PRDM16: variants seen among roughly 807,000 people sequenced by gnomAD.
PRDM16 encodes histone-lysine N-methyltransferase PRDM16.
A neutral mutation model predicts 110.6 loss-of-function variants in PRDM16; 23 were observed. The ratio of observed to expected loss-of-function variants is 0.21; its 90% CI spans 0.15 to 0.29. The LOEUF is 0.29. PRDM16 is among the 10% of genes least tolerant of loss of function. The pLI is 1.00. For synonymous variants in PRDM16, 799 were observed against 781.8 expected (o/e 1.02, Z -0.37); for missense variants, 1,615 against 1,794.3 (o/e 0.90, Z 1.81).
intron 2 of PRDM16, among the ~76,000 whole-genome samples, chr1:3,204,445 G>T (rs74048309): frequency 6.6e-6 from 1 of 152,310 alleles, no homozygotes; most frequent in African/African-American, 2.4e-5. Flanking sequence ...TTCTAGAGAG[G>T]GAACCTTACC....
At position 3,201,816 on chromosome 1, in the gene PRDM16, T is replaced by A. The variant is rs56087087; in HGVS notation, c.387+15342T>A. ...CCTCTGTTTCTACCTCGGGTTGGTG[T>A]CTCCCGCCCACTTCTGTGTCCACTG... On this transcript the variant is annotated intron_variant, in intron 2 of 16. Coordinates refer to ENST00000270722, the MANE Select transcript of PRDM16 (RefSeq NM_022114.4). The surrounding 1 kb of genome is among the most constrained non-coding windows in gnomAD (Gnocchi z 4.1). Among the ~76,000 whole-genome samples, 1,960 of 152,264 alleles carry A rather than the reference T, an allele frequency of 0.013. 38 individuals are homozygous for A. Among genetic ancestry groups the A allele is most frequent in the African/African-American group, 0.045 (1,849 of 41,542 alleles).
At chr1:3,410,956 C>T (rs1643674829) in intron 8 of PRDM16, among the ~76,000 whole-genome samples, 1 of 152,202 alleles carries the variant, frequency 6.6e-6, no homozygotes, top group South Asian at 2.1e-4. Context: ...AGCCCATTCT[C>T]CAGCAAAGAA....
At position 3,080,154 on chromosome 1, in the gene PRDM16, G is replaced by A. The variant is rs528853466; in HGVS notation, c.37+10858G>A. ...TGTTTAGATAATCCCGGGCCCTGGT[G>A]CTTGCATTTAGAAAAATTAGGCCCT... On this transcript the variant is annotated intron_variant, in intron 1 of 16. Transcript: ENST00000270722. The surrounding 1 kb of genome is among the most constrained non-coding windows in gnomAD (Gnocchi z 5.2). Among the ~76,000 whole-genome samples the A allele has an allele frequency of 1.3e-5, 2 of 152,338 alleles. No individual in the cohort carries two copies. Among genetic ancestry groups the A allele is most frequent in the Non-Finnish European group, 2.9e-5 (2 of 68,034 alleles).
At chr1:3,301,265 A>G (rs1278716738) in intron 3 of PRDM16, among the ~76,000 whole-genome samples, 2 of 149,950 alleles carry the variant, frequency 1.3e-5, no homozygotes, top group Admixed American at 6.7e-5. Flanking sequence ...CTGGAGGTCA[A>G]GGCTGCAGTG....
intron 2 of PRDM16, among the ~76,000 whole-genome samples, chr1:3,241,441 T>G (rs1404926007): frequency 3.9e-5 from 6 of 152,170 alleles, no homozygotes; most frequent in Non-Finnish European, 8.8e-5. Flanking sequence ...CCAGCAGCTG[T>G]GGCAGCTGCC....
chr1:3,196,986 G>T (rs1638495675), intron 2 of PRDM16, among the ~76,000 whole-genome samples: 1 of 152,198 alleles, frequency 6.6e-6, no homozygotes, highest in Non-Finnish European at 1.5e-5. Context: ...GGTCTGTGCA[G>T]CCGCTGAGGC....
At chr1:3,424,181 T>C (rs1363859746) in intron 12 of PRDM16, among the ~76,000 whole-genome samples, 1 of 152,086 alleles carries the variant, frequency 6.6e-6, no homozygotes, top group Non-Finnish European at 1.5e-5. Flanking sequence ...GCTCATGGGG[T>C]TCCTCCTTAG....
Position 3,246,426 on chromosome 1 carries a change from C to T in PRDM16, c.438+2289C>T, listed in dbSNP as rs1478118442. On this transcript the variant is annotated intron_variant, in intron 3 of 16. Coordinates refer to ENST00000270722, the MANE Select transcript of PRDM16 (RefSeq NM_022114.4). This position sits in a 1 kb window ranked among gnomAD's most constrained non-coding sequence, Gnocchi z 5.2. The stretch of plus-strand genomic sequence containing the variant: ...CAGACCCGATGCACGAGACCCCCCA[C>T]GGCACCGCCGCGACTGCAGGGAGCT... 1.3e-5 allele frequency among the ~76,000 whole-genome samples: 2 copies of T among 152,320 alleles called. No homozygotes were observed. Among genetic ancestry groups the T allele is most frequent in the South Asian group, 2.1e-4 (1 of 4,830 alleles).
intron 2 of PRDM16, among the ~76,000 whole-genome samples, chr1:3,196,514 G>T (rs913980442): frequency 3.3e-5 from 5 of 152,234 alleles, no homozygotes; most frequent in Non-Finnish European, 7.3e-5. Context: ...AGAGAGTGAG[G>T]CTCACCGCCC....
intron 8 of PRDM16, among the ~76,000 whole-genome samples, chr1:3,410,170 C>G (rs1643660706): frequency 6.6e-6 from 1 of 151,796 alleles, no homozygotes; most frequent in African/African-American, 2.4e-5. Flanking sequence ...TGTGTGTGTG[C>G]ATGTGTAGAT....
chr1:3,102,526 C>T (rs755479650), intron 1 of PRDM16, among the ~76,000 whole-genome samples: 26 of 152,214 alleles, frequency 1.7e-4, no homozygotes, highest in Admixed American at 4.6e-4. Flanking sequence ...CCGGCCTAGA[C>T]AGGACGGCTG....
At chr1:3,165,010 C>T (rs901642524) in intron 1 of PRDM16, among the ~76,000 whole-genome samples, 5 of 152,242 alleles carry the variant, frequency 3.3e-5, no homozygotes, top group African/African-American at 7.2e-5. Flanking sequence ...GGTAGGCTGG[C>T]GCCTCTCTGT....
At chr1:3,204,685 C>T (rs1226772224) in intron 2 of PRDM16, among the ~76,000 whole-genome samples, 5 of 152,260 alleles carry the variant, frequency 3.3e-5, no homozygotes, top group African/African-American at 7.2e-5. Flanking sequence ...CCTGACTTTG[C>T]GTGTACGTAG....
chr1:3,414,622 C>G lies in PRDM16; in HGVS notation c.2666C>G (p.Pro889Arg). 2.5e-6 allele frequency: 4 copies of G among 1,613,266 alleles called. No homozygotes were observed. The highest frequency in any genetic ancestry group is 3.4e-6 in the Non-Finnish European group (4 of 1,179,804). ...GCCCTGAAGGAGAAGTACCTGCGGC[C>G]GTCCCCGCTGCTCTTCCACCCCCAG... Reference protein sequence around the residue: ...VGALKEKYLRPSPLLFHPQMS... With the variant: ...VGALKEKYLRRSPLLFHPQMS... The change falls in exon 10 of 17, where the codon CCG becomes CGG. Residue 889 changes from proline to arginine, a missense_variant. By Grantham distance (103) the Pro-to-Arg change is moderately radical. Coordinates refer to ENST00000270722, the MANE Select transcript of PRDM16 (RefSeq NM_022114.4).
intron 1 of PRDM16, among the ~76,000 whole-genome samples, chr1:3,097,812 T>A (rs1045291927): frequency 6.6e-6 from 1 of 152,064 alleles, no homozygotes; most frequent in African/African-American, 2.4e-5. Context: ...TGTAGAGAGA[T>A]CCCAGGGGGG....
intron 1 of PRDM16, among the ~76,000 whole-genome samples, chr1:3,179,732 T>G (rs562364520): frequency 6.6e-6 from 1 of 152,314 alleles, no homozygotes; most frequent in South Asian, 2.1e-4. Flanking sequence ...GGCCTCCGCC[T>G]TGCCCTGCTC....
chr1:3,384,364 G>C (rs530360433), intron 3 of PRDM16, among the ~76,000 whole-genome samples: 114 of 152,328 alleles, frequency 7.5e-4, no homozygotes, highest in Non-Finnish European at 1.2e-3. Flanking sequence ...TGGCCAGAGT[G>C]GGGGAGGCTG....
chr1:3,310,632 G>C (rs1171353467), intron 3 of PRDM16, among the ~76,000 whole-genome samples: 1 of 152,188 alleles, frequency 6.6e-6, no homozygotes, highest in Non-Finnish European at 1.5e-5. Context: ...AAACCAGCAA[G>C]CACGTCTCAA....
rs1210169174 is a variant in PRDM16 at position 3,431,980 on chromosome 1, A to G, written c.3536A>G (p.His1179Arg). ...CATTGGTGCAGGTGTGCTGAGGACC[A>G]CGAAGGCGGTCTGTTAGCTTTGGAG... ...FDHTRRCAEDHEGGLLALEPM... is the reference protein window; with the variant it reads ...FDHTRRCAEDREGGLLALEPM... The change falls in exon 16 of 17, where the codon CAC (histidine) becomes CGC (arginine). Residue 1179 changes from histidine to arginine, a missense_variant. Transcript: ENST00000270722. 1.2e-6 allele frequency: 2 copies of G among 1,613,350 alleles called. No homozygotes were observed. Among genetic ancestry groups the G allele is most frequent in the African/African-American group, 1.3e-5 (1 of 74,936 alleles).
Sources: allele counts gnomAD v4.1 joint callset (sites outside exome capture counted in the v4.1 genomes callset), GRCh38; gene constraint gnomAD v4.1.1; non-coding constraint Gnocchi (gnomAD v3.1); transcripts MANE v1.5; gene names NCBI Gene and HGNC (gene_info 2026-07-23, HGNC 2026-07-21).